Variants in KCNH1 observed in about 807,000 individuals in gnomAD.
The protein encoded by KCNH1 is voltage-gated delayed rectifier potassium channel KCNH1.
A neutral mutation model predicts 69.2 loss-of-function variants in KCNH1; 27 were observed. The ratio of observed to expected loss-of-function variants is 0.39; its 90% CI spans 0.29 to 0.54. KCNH1 has a LOEUF of 0.54. Among genes scored for constraint, KCNH1 ranks in the 20% least tolerant of loss-of-function variants. KCNH1 has a pLI of 0.68. For missense variants in KCNH1, 798 were observed against 1,261.6 expected, an observed-to-expected ratio of 0.63 and a Z score of 5.57; for synonymous variants, 456 against 487.7, an observed-to-expected ratio of 0.93 and a Z score of 0.86.
intron 5 of KCNH1, among the ~76,000 whole-genome samples, chr1:211,078,267 AC>A (rs1690774831): frequency 6.6e-6 from 1 of 152,214 alleles, no homozygotes; most frequent in African/African-American, 2.4e-5. Context: ...CACCAAGCAG[AC>A]CTAATAGACA....
At chr1:210,792,948 T>A (rs10863856) in intron 9 of KCNH1, among the ~76,000 whole-genome samples, 1 of 152,048 alleles carries the variant, frequency 6.6e-6, no homozygotes, top group Non-Finnish European at 1.5e-5. Context: ...TAACTACTTA[T>A]ATGCAGATGC....
At chr1:210,916,248 G>A (rs1035818063) in intron 7 of KCNH1, among the ~76,000 whole-genome samples, 1 of 152,200 alleles carries the variant, frequency 6.6e-6, no homozygotes, top group African/African-American at 2.4e-5. Context: ...ATTGTTTGGA[G>A]TATAAGTTTA....
chr1:210,854,854 G>A (rs1685798411), intron 7 of KCNH1, among the ~76,000 whole-genome samples: 1 of 152,152 alleles, frequency 6.6e-6, no homozygotes, highest in Non-Finnish European at 1.5e-5. Flanking sequence ...TAGCACCATG[G>A]AGATCTCATA....
At chr1:210,890,217 C>G (rs552348612) in intron 7 of KCNH1, among the ~76,000 whole-genome samples, 2 of 152,216 alleles carry the variant, frequency 1.3e-5, no homozygotes, top group South Asian at 4.1e-4. Context: ...TGGAACAGAA[C>G]AGAGGCCTCA....
At chr1:210,917,266 A>AGAAG (rs1687362770) in intron 7 of KCNH1, among the ~76,000 whole-genome samples, 2 of 150,224 alleles carry the variant, frequency 1.3e-5, no homozygotes, top group African/African-American at 2.5e-5. Context: ...AAAGAAAGAA[A>AGAAG]GAAAGAAAGA....
chr1:211,087,155 C>A (rs1191433996), intron 4 of KCNH1, among the ~76,000 whole-genome samples: 1 of 152,168 alleles, frequency 6.6e-6, no homozygotes, highest in Non-Finnish European at 1.5e-5. Flanking sequence ...TCAACAGTTA[C>A]AACAGTTTGC....
chr1:210,833,482 T>C (rs916869705), intron 7 of KCNH1, among the ~76,000 whole-genome samples: 2 of 152,224 alleles, frequency 1.3e-5, no homozygotes, highest in Non-Finnish European at 2.9e-5. Context: ...GCTAGCCATA[T>C]GTAGAAAGCT....
intron 9 of KCNH1, among the ~76,000 whole-genome samples, chr1:210,788,521 C>T (rs889678562): frequency 6.6e-5 from 10 of 152,028 alleles, no homozygotes; most frequent in Non-Finnish European, 1.3e-4. Flanking sequence ...CCAGTGTCTT[C>T]GGGGACTGTA....
At chr1:210,888,720 G>T (rs1054488055) in intron 7 of KCNH1, among the ~76,000 whole-genome samples, 2 of 151,862 alleles carry the variant, frequency 1.3e-5, no homozygotes, top group Admixed American at 1.3e-4. Context: ...ATGATAAAGG[G>T]GATATCACCA....
At chr1:211,035,994 C>T (rs1689890250) in intron 5 of KCNH1, among the ~76,000 whole-genome samples, 1 of 152,220 alleles carries the variant, frequency 6.6e-6, no homozygotes, top group Admixed American at 6.5e-5. Context: ...GGCGCTTGGT[C>T]TAGGTTCCAC....
rs554394503 is a variant in KCNH1, at chr1:210,835,998, T to C, written c.1463-31832A>G. 4.7e-5 allele frequency among the ~76,000 whole-genome samples: 7 copies of C among 150,356 alleles called. No individual in the cohort carries two copies. In the South Asian group the frequency reaches 1.1e-3, roughly 23 times the overall value. On this transcript the variant is annotated intron_variant, in intron 7 of 10. Transcript: ENST00000271751. The stretch of plus-strand genomic sequence containing the variant: ...TACAAAAATTAGGTGGGTGTGGTGG[T>C]GCACCCCTGTAGTCCCAGCTACTAG...
chr1:210,979,840 T>A (rs1039420945), intron 6 of KCNH1, among the ~76,000 whole-genome samples: 1 of 152,218 alleles, frequency 6.6e-6, no homozygotes, highest in African/African-American at 2.4e-5. Context: ...TAAGTGCTAA[T>A]GAATTCAATT....
chr1:210,687,003 G>A (rs1681421734), intron 10 of KCNH1, among the ~76,000 whole-genome samples: 1 of 152,166 alleles, frequency 6.6e-6, no homozygotes. Flanking sequence ...ATCCGTGGGA[G>A]AATATCTTCT....
chr1:210,825,620 C>T (rs548808294), intron 7 of KCNH1, among the ~76,000 whole-genome samples: 1 of 152,362 alleles, frequency 6.6e-6, no homozygotes, highest in African/African-American at 2.4e-5. Context: ...CATAGATCCA[C>T]AAATCACACT....
intron 6 of KCNH1, among the ~76,000 whole-genome samples, chr1:210,986,184 C>T (rs1334738558): frequency 8.5e-5 from 13 of 152,250 alleles, no homozygotes; most frequent in East Asian, 1.9e-4. Context: ...TGTCTCTGCA[C>T]GTGAGATGGG....
chr1:210,696,752 G>C (rs559467865), intron 10 of KCNH1, among the ~76,000 whole-genome samples: 1 of 152,286 alleles, frequency 6.6e-6, no homozygotes, highest in Admixed American at 6.5e-5. Context: ...TTTCTTCCTT[G>C]CTACTCAGTC....
intron 5 of KCNH1, among the ~76,000 whole-genome samples, chr1:211,029,357 A>AAAAAAAAT (rs1181946945): frequency 1.3e-5 from 2 of 148,566 alleles, no homozygotes; most frequent in East Asian, 3.9e-4. Flanking sequence ...AAAAAAAAAA[A>AAAAAAAAT]AGGTTGGGGT....
chr1:211,045,041 G>GATATATAGATATATAGATATATATAT (rs1164564038), intron 5 of KCNH1, among the ~76,000 whole-genome samples: 4 of 81,718 alleles, frequency 4.9e-5, no homozygotes, highest in African/African-American at 1.3e-4. Context: ...AATTGTGGGG[G>GATATATAGATATATAGATATATATAT]ATATATATAT....
intron 6 of KCNH1, among the ~76,000 whole-genome samples, chr1:211,003,108 G>C (rs1023696053): frequency 2.0e-5 from 3 of 151,974 alleles, no homozygotes; most frequent in Non-Finnish European, 4.4e-5. Flanking sequence ...GAGGAAAGGA[G>C]GAGAGACCAC....
Sources: allele counts gnomAD v4.1 joint callset (sites outside exome capture counted in the v4.1 genomes callset), GRCh38; gene constraint gnomAD v4.1.1; transcripts MANE v1.5; gene names NCBI Gene and HGNC (gene_info 2026-07-23, HGNC 2026-07-21).